The following EPN2 variants were observed in gnomAD, a reference collection of about 807,000 sequenced individuals.
EPN2 encodes the protein epsin-2.
Under a neutral mutation model 61.7 loss-of-function variants are expected in EPN2, and 34 were observed. The ratio of observed to expected loss-of-function variants is 0.55; its 90% CI spans 0.42 to 0.73. EPN2 has a LOEUF of 0.73. Ranked by LOEUF, EPN2 falls within the 30% of genes least tolerant of loss-of-function variation. The pLI is 0.00. For missense variants in EPN2, 714 were observed against 839.2 expected (o/e 0.85, Z 1.84); for synonymous variants, 349 against 353.6 (o/e 0.99, Z 0.15).
intron 1 of EPN2, among the ~76,000 whole-genome samples, chr17:19,276,037 G>C (rs1028952793): frequency 2.0e-5 from 3 of 152,128 alleles, no homozygotes; most frequent in African/African-American, 7.2e-5. Context: ...TCAGCACCCT[G>C]ATTTCTTAGT....
At chr17:19,293,949 G>A (rs1286006786) in intron 4 of EPN2, among the ~76,000 whole-genome samples, 1 of 151,964 alleles carries the variant, frequency 6.6e-6, no homozygotes, top group African/African-American at 2.4e-5. Context: ...AATTAGTCGG[G>A]TGTGGTGGTG....
At chr17:19,295,107 T>C (rs2152223148) in intron 4 of EPN2, among the ~76,000 whole-genome samples, 1 of 152,222 alleles carries the variant, frequency 6.6e-6, no homozygotes, top group Non-Finnish European at 1.5e-5. Context: ...GAAATTCTCT[T>C]ATTTGCTTTG....
intron 1 of EPN2, among the ~76,000 whole-genome samples, chr17:19,239,724 C>T (rs533412836): frequency 6.6e-6 from 1 of 152,336 alleles, no homozygotes; most frequent in South Asian, 2.1e-4. Flanking sequence ...GGCTTTTTGC[C>T]TCTCTGAAGC....
At position 19,285,897 on chromosome 17, in the gene EPN2, T is replaced by TG. The variant is rs988996745; in HGVS notation, c.766+112dup. 1 of 1,399,662 alleles carries TG rather than the reference T, an allele frequency of 7.1e-7. No homozygotes were observed. The allele number at this position is 1,399,662 out of a possible 1,614,324, so 86.7% of individuals were successfully genotyped here. On this transcript the variant is annotated intron_variant, in intron 4 of 10. Coordinates refer to ENST00000314728, the MANE Select transcript of EPN2 (RefSeq NM_014964.5). This position sits in a 1 kb window ranked among gnomAD's most constrained non-coding sequence, Gnocchi z 4.5. ...ACTCTCTCCCTGTCTCCTCTGGGCC[T>TG]GGGGGTTTGGCCTCCAGCAGGCCCA...
intron 1 of EPN2, among the ~76,000 whole-genome samples, chr17:19,237,825 A>C (rs2044834074): frequency 6.6e-6 from 1 of 151,216 alleles, no homozygotes; most frequent in Non-Finnish European, 1.5e-5. Flanking sequence ...ATCTCCTTTT[A>C]TGTCCCCAGA....
chr17:19,252,003 G>T (rs2045020703), intron 1 of EPN2, among the ~76,000 whole-genome samples: 1 of 152,068 alleles, frequency 6.6e-6, no homozygotes, highest in African/African-American at 2.4e-5. Flanking sequence ...ACAAAGATTT[G>T]ACTGCATTTT....
chr17:19,334,315 G>A lies in EPN2; in HGVS notation c.*61G>A, dbSNP rs768066009. On this transcript the variant is annotated 3_prime_UTR_variant, in exon 11 of 11. Transcript: ENST00000314728. The surrounding 1 kb of genome is among the most constrained non-coding windows in gnomAD (Gnocchi z 4.9). ...TGGAGGATGCCGAGCAGGGACTCTCGTCTGTGGGACGGGATCCAAGAGTTT... is the reference window on the plus strand; with the variant it reads ...TGGAGGATGCCGAGCAGGGACTCTCATCTGTGGGACGGGATCCAAGAGTTT... 167 of 1,324,330 alleles carry A rather than the reference G, an allele frequency of 1.3e-4. No homozygotes were observed. The highest frequency in any genetic ancestry group is 2.2e-4 in the Middle Eastern group (1 of 4,460). 82.0% of individuals were successfully genotyped at this position (1,324,330 alleles called of 1,614,324 possible). A position where few individuals can be genotyped will look rare whatever the true frequency, so the allele number is the denominator to read the frequency against.
chr17:19,320,395 C>T (rs746002671), intron 7 of EPN2, among the ~76,000 whole-genome samples: 25 of 152,294 alleles, frequency 1.6e-4, no homozygotes, highest in Non-Finnish European at 2.8e-4. Flanking sequence ...GTCTCCACCA[C>T]GCATCTGCCC....
At chr17:19,269,747 C>T (rs1160182785) in intron 1 of EPN2, among the ~76,000 whole-genome samples, 2 of 152,220 alleles carry the variant, frequency 1.3e-5, no homozygotes, top group African/African-American at 2.4e-5. Context: ...GTCCTGGCAT[C>T]TACACGTGGT....
At chr17:19,281,681 G>A (rs2045359922) in intron 1 of EPN2, among the ~76,000 whole-genome samples, 1 of 152,060 alleles carries the variant, frequency 6.6e-6, no homozygotes, top group Non-Finnish European at 1.5e-5. Context: ...TCCAGGCTTC[G>A]GTTCCTCACT....
At chr17:19,301,093 G>A (rs908083668) in intron 4 of EPN2, among the ~76,000 whole-genome samples, 5 of 152,156 alleles carry the variant, frequency 3.3e-5, no homozygotes, top group South Asian at 2.1e-4. Context: ...AGGAGCCTGC[G>A]TGGCAGGTGC....
chr17:19,290,568 G>A (rs1267061184), intron 4 of EPN2, among the ~76,000 whole-genome samples: 1 of 151,896 alleles, frequency 6.6e-6, no homozygotes, highest in Non-Finnish European at 1.5e-5. Context: ...TGCTCAGCTT[G>A]GTGTTCTCAG....
intron 4 of EPN2, among the ~76,000 whole-genome samples, chr17:19,288,211 G>A (rs758267206): frequency 2.4e-4 from 36 of 152,156 alleles, no homozygotes; most frequent in African/African-American, 1.7e-4. Flanking sequence ...GCCTGCTGAC[G>A]TCTGCCTGCA....
At chr17:19,244,864 G>C (rs2044927571) in intron 1 of EPN2, among the ~76,000 whole-genome samples, 1 of 152,194 alleles carries the variant, frequency 6.6e-6, no homozygotes, top group African/African-American at 2.4e-5. Flanking sequence ...CAGTTAGTAT[G>C]AACTCCTGCT....
chr17:19,246,854 C>T (rs542355917), intron 1 of EPN2, among the ~76,000 whole-genome samples: 196 of 150,196 alleles, frequency 1.3e-3, no homozygotes, highest in African/African-American at 4.4e-3. Context: ...CTGCAGGCTC[C>T]GCCCCCGGGT....
Position 19,237,374 on chromosome 17 carries a change from G to A in EPN2, c.-451G>A, listed in dbSNP as rs1232504441. On this transcript the variant is annotated 5_prime_UTR_variant, in exon 1 of 11. Transcript: ENST00000314728. ...GGCCTGAGGGCGCGCGCACGCGTCC[G>A]GCGCGCCCCCTCCCGGCCGCCATGT... 1 of 151,994 alleles carries A rather than the reference G, an allele frequency of 6.6e-6. No individual in the cohort carries two copies. Among genetic ancestry groups the A allele is most frequent in the Non-Finnish European group, 1.5e-5 (1 of 68,070 alleles). 9.4% of individuals were successfully genotyped at this position (151,994 alleles called of 1,614,324 possible). A position where few individuals can be genotyped will look rare whatever the true frequency, so the allele number is the denominator to read the frequency against.
chr17:19,286,273 T>C (rs1439886365), intron 4 of EPN2, among the ~76,000 whole-genome samples: 2 of 151,104 alleles, frequency 1.3e-5, no homozygotes, highest in African/African-American at 4.8e-5. Context: ...CTGAATAAAA[T>C]GGGATTTTTT....
At chr17:19,322,274 C>G (rs1385582742) in intron 7 of EPN2, among the ~76,000 whole-genome samples, 1 of 152,146 alleles carries the variant, frequency 6.6e-6, no homozygotes, top group Non-Finnish European at 1.5e-5. Context: ...GCACAAGTAT[C>G]CATGGGATGT....
At chr17:19,314,580 C>T (rs543570732) in intron 7 of EPN2, among the ~76,000 whole-genome samples, 23 of 152,328 alleles carry the variant, frequency 1.5e-4, no homozygotes, top group African/African-American at 5.1e-4. Flanking sequence ...TGTCAGCCCC[C>T]GATGCCCTTT....
Sources: gnomAD v4.1 joint callset for allele counts (sites outside exome capture counted in the v4.1 genomes callset) on GRCh38, gnomAD v4.1.1 for gene constraint, Gnocchi (gnomAD v3.1) non-coding constraint, MANE v1.5 for transcripts, NCBI Gene and HGNC (gene_info 2026-07-23, HGNC 2026-07-21) for gene names.